The following DGAT2L6 variants were observed in gnomAD, a reference collection of about 807,000 sequenced individuals.
DGAT2L6 encodes diacylglycerol O-acyltransferase 2-like protein 6.
In DGAT2L6, 22 loss-of-function variants were observed where a neutral mutation model predicts 25.5. The observed-to-expected ratio is 0.86, with a 90% CI of 0.62 to 1.23. The LOEUF (loss-of-function observed/expected upper bound fraction) is 1.23. DGAT2L6 is among the 50% of genes most tolerant of loss of function. The pLI is 0.00. For missense variants in DGAT2L6, 287 were observed against 253.2 expected (o/e 1.13, Z -0.91); for synonymous variants, 100 against 94.7 (o/e 1.06, Z -0.32).
intron 4 of DGAT2L6, among the ~76,000 whole-genome samples, chrX:70,201,253 G>C (rs1414286094): frequency 8.9e-6 from 1 of 112,444 alleles, no homozygotes; most frequent in Admixed American, 9.4e-5. Context: ...AGAGTCTGGA[G>C]GCAATTTCTG....
chrX:70,204,371 G>C lies in DGAT2L6; in HGVS notation c.714G>C (p.Glu238Asp). The C allele has an allele frequency of 8.3e-7, 1 of 1,210,836 alleles. No homozygotes were observed. The highest frequency in any genetic ancestry group is 1.1e-6 in the Non-Finnish European group (1 of 895,161). Residue 238 changes from glutamate to aspartate, a missense_variant, in exon 6 of 7, where the codon GAG becomes GAC. Glu to Asp is a conservative substitution (Grantham distance 45, BLOSUM62 2). Transcript: ENST00000333026. The part of the protein sequence containing the change: ...NEVFNQETFP[E>D]GTWLRLFQKT... ...TTTTCAATCAGGAGACCTTCCCTGA[G>C]GGCACGTGGTTAAGGTTGTTCCAAA...
intron 1 of DGAT2L6, among the ~76,000 whole-genome samples, chrX:70,178,424 T>G (rs191706758): frequency 3.1e-4 from 35 of 111,303 alleles, no homozygotes; most frequent in African/African-American, 1.1e-3. Context: ...CACCCAAGGC[T>G]CTTCTGAGGC....
intron 1 of DGAT2L6, among the ~76,000 whole-genome samples, chrX:70,186,158 T>G (rs1486576123): frequency 4.4e-5 from 5 of 112,365 alleles, no homozygotes; most frequent in Non-Finnish European, 9.4e-5. Flanking sequence ...ATTGAACTTC[T>G]TCCTTTACTA....
intron 1 of DGAT2L6, among the ~76,000 whole-genome samples, chrX:70,178,471 C>T (rs2085333625): frequency 9.0e-6 from 1 of 111,237 alleles, no homozygotes. Context: ...AAGTTTCACT[C>T]TTGTCGCCCA....
intron 6 of DGAT2L6, 111 bp downstream of exon 6, chrX:70,204,627 G>A: frequency 1.1e-6 from 1 of 905,969 alleles, no homozygotes; most frequent in Non-Finnish European, 1.5e-6. Flanking sequence ...TGGGCAATGG[G>A]TGTGGTTAAG....
chrX:70,203,655 C>G (rs539613763), intron 5 of DGAT2L6, among the ~76,000 whole-genome samples: 1 of 110,799 alleles, frequency 9.0e-6, no homozygotes, highest in African/African-American at 3.3e-5. Context: ...CTATAATACA[C>G]GGTTGGGGCA....
At chrX:70,193,265 G>A (rs1359213222) in intron 1 of DGAT2L6, among the ~76,000 whole-genome samples, 1 of 107,476 alleles carries the variant, frequency 9.3e-6, no homozygotes, top group African/African-American at 3.4e-5. Flanking sequence ...CCGAGATCGC[G>A]CCATTGCACT....
intron 1 of DGAT2L6, among the ~76,000 whole-genome samples, chrX:70,191,294 G>C (rs1455800106): frequency 9.0e-6 from 1 of 111,385 alleles, no homozygotes; most frequent in Non-Finnish European, 1.9e-5. Context: ...AATGAGATGA[G>C]AAGTTTAATA....
intron 4 of DGAT2L6, among the ~76,000 whole-genome samples, chrX:70,200,830 C>G (rs772852569): frequency 1.7e-3 from 192 of 111,984 alleles, no homozygotes; most frequent in African/African-American, 5.7e-3. Flanking sequence ...CTTCACCAGG[C>G]TCTCTCTAGG....
In DGAT2L6 at chrX:70,202,077, G is replaced by A; in HGVS notation, c.647+13G>A. ...CACTGCAAACAGGGTGGGTTCCAAG[G>A]TTCTAGTGCTCTGTTGTCAGGGTGC... On this transcript the variant is annotated intron_variant, in intron 5 of 6. Coordinates refer to ENST00000333026, the MANE Select transcript of DGAT2L6 (RefSeq NM_198512.3). 1 of 1,162,500 alleles carries A rather than the reference G, an allele frequency of 8.6e-7. No individual in the cohort carries two copies. The highest frequency in any genetic ancestry group is 1.1e-6 in the Non-Finnish European group (1 of 871,159).
Position 70,200,339 on chromosome X carries a change from A to G in DGAT2L6, c.352A>G (p.Ile118Val), listed in dbSNP as rs1267448611. 3 of 1,211,607 alleles carry G rather than the reference A, an allele frequency of 2.5e-6. No individual in the cohort carries two copies. The highest frequency in any genetic ancestry group is 3.0e-5 in the East Asian group (1 of 33,853). The change falls in exon 4 of 7, where the codon ATC becomes GTC. Residue 118 changes from isoleucine to valine, a missense_variant. Ile to Val is a conservative substitution (Grantham distance 29, BLOSUM62 3). Coordinates refer to ENST00000333026, the MANE Select transcript of DGAT2L6 (RefSeq NM_198512.3). ...TGGCATTCTCTCTTTTGGTGTCTTC[A>G]TCAACTTTGCCACTGAGGCCACTGG... ...PHGILSFGVFINFATEATGIA... is the reference protein window; with the variant it reads ...PHGILSFGVFVNFATEATGIA...
chrX:70,196,632 G>GAA (rs34832035), intron 1 of DGAT2L6, among the ~76,000 whole-genome samples: 1 of 108,247 alleles, frequency 9.2e-6, no homozygotes, highest in Non-Finnish European at 1.9e-5. Context: ...ATCTATAAAA[G>GAA]AAAAAAAATT....
chrX:70,193,897 G>A (rs1442642904), intron 1 of DGAT2L6, among the ~76,000 whole-genome samples: 2 of 111,614 alleles, frequency 1.8e-5, no homozygotes, highest in Non-Finnish European at 1.9e-5. Context: ...GTCCTACCAA[G>A]AGCAATTACA....
rs756504906 is a variant in DGAT2L6, at chrX:70,200,015, G to A, written c.267+133G>A. 1.0e-5 allele frequency: 7 copies of A among 697,934 alleles called. No homozygotes were observed. The African/African-American group carries it at 1.3e-4, about 13-fold the overall frequency. The allele number at this position is 697,934 out of a possible 1,213,427, so 57.5% of individuals were successfully genotyped here. ...CCCCGAGTCATAATGCAAAGCAAGG[G>A]CCCAAGATGGATGGGCAGGTGGGGA... On this transcript the variant is annotated intron_variant, in intron 3 of 6. Transcript: ENST00000333026.
chrX:70,186,320 C>T (rs908020658), intron 1 of DGAT2L6, among the ~76,000 whole-genome samples: 3 of 111,930 alleles, frequency 2.7e-5, no homozygotes, highest in African/African-American at 6.5e-5. Flanking sequence ...GAAAGAAGCA[C>T]GAGTAATGTC....
chrX:70,199,193 G>A lies in DGAT2L6; in HGVS notation c.86-78G>A, dbSNP rs2085401125. The stretch of plus-strand genomic sequence containing the variant: ...AGCCTAGCCCTGCTCCTGTAGTGTA[G>A]AGCAGAGGCCGGGGTTATGAGAAGT... On this transcript the variant is annotated intron_variant, in intron 1 of 6. Transcript: ENST00000333026. The A allele has an allele frequency of 3.1e-5, 20 of 637,541 alleles. No homozygotes were observed. In the South Asian group the frequency reaches 5.4e-4, roughly 17 times the overall value. 52.5% of individuals were successfully genotyped at this position (637,541 alleles called of 1,213,427 possible). A position where few individuals can be genotyped will look rare whatever the true frequency, so the allele number is the denominator to read the frequency against.
intron 1 of DGAT2L6, among the ~76,000 whole-genome samples, chrX:70,185,030 C>T (rs1051343352): frequency 2.2e-4 from 25 of 111,439 alleles, no homozygotes; most frequent in East Asian, 1.4e-3. Context: ...GAAACAGACA[C>T]GATCATGCTA....
intron 1 of DGAT2L6, among the ~76,000 whole-genome samples, chrX:70,197,480 A>C (rs1177949432): frequency 8.9e-6 from 1 of 112,021 alleles, no homozygotes; most frequent in African/African-American, 3.2e-5. Context: ...TGGTGGATGA[A>C]TGAATCAGAT....
At chrX:70,200,785 G>C (rs2085407579) in intron 4 of DGAT2L6, among the ~76,000 whole-genome samples, 1 of 111,712 alleles carries the variant, frequency 9.0e-6, no homozygotes, top group Admixed American at 9.5e-5. Flanking sequence ...ACAAATCCAG[G>C]GAAAAGCAGG....
Sources: allele counts gnomAD v4.1 joint callset (sites outside exome capture counted in the v4.1 genomes callset), GRCh38; gene constraint gnomAD v4.1.1; transcripts MANE v1.5; gene names NCBI Gene and HGNC (gene_info 2026-07-23, HGNC 2026-07-21).